Variants in ME1 observed in about 807,000 individuals in gnomAD.
The protein encoded by ME1 is NADP-dependent malic enzyme.
A neutral mutation model predicts 66.4 loss-of-function variants in ME1; 74 were observed. The ratio of observed to expected loss-of-function variants is 1.11; its 90% CI spans 0.92 to 1.35. The LOEUF is 1.35. ME1 is among the 40% of genes most tolerant of loss of function. The pLI is 0.00. For synonymous variants in ME1, 251 were observed against 235.6 expected (o/e 1.07, Z -0.60); for missense variants, 750 against 694.1 (o/e 1.08, Z -0.90).
At chr6:83,233,173 C>T (rs1281744343) in intron 9 of ME1, among the ~76,000 whole-genome samples, 1 of 152,136 alleles carries the variant, frequency 6.6e-6, no homozygotes, top group Non-Finnish European at 1.5e-5. Context: ...AATGCAAATA[C>T]TAGGCAACAT....
At chr6:83,322,106 A>C (rs1768189382) in intron 5 of ME1, among the ~76,000 whole-genome samples, 1 of 152,218 alleles carries the variant, frequency 6.6e-6, no homozygotes, top group African/African-American at 2.4e-5. Flanking sequence ...GAAGAGCATG[A>C]ACATCAACAA....
At chr6:83,321,668 A>G (rs976485903) in intron 5 of ME1, among the ~76,000 whole-genome samples, 5 of 152,158 alleles carry the variant, frequency 3.3e-5, no homozygotes, top group African/African-American at 1.2e-4. Context: ...CTTATAGATA[A>G]AACTCCTATC....
intron 12 of ME1, among the ~76,000 whole-genome samples, chr6:83,221,906 C>T (rs1042777918): frequency 2.0e-5 from 3 of 151,904 alleles, no homozygotes; most frequent in Non-Finnish European, 4.4e-5. Context: ...AAGAGAAAAC[C>T]AGTAGAAAGG....
chr6:83,386,427 C>T (rs1769503428), intron 3 of ME1, among the ~76,000 whole-genome samples: 1 of 151,874 alleles, frequency 6.6e-6, no homozygotes, highest in South Asian at 2.1e-4. Context: ...AAAGGCAAAT[C>T]CAATTAAAAA....
In ME1 at chr6:83,257,445, A is replaced by G. The variant is rs557895417; in HGVS notation, c.705-3707T>C. On this transcript the variant is annotated intron_variant, in intron 6 of 13. Coordinates refer to ENST00000369705, the MANE Select transcript of ME1 (RefSeq NM_002395.6). ...GAAGAAGGTGGCAAATTCATTCCCT[A>G]AACAGCAACGATATTGCAAGACAAA... Among the ~76,000 whole-genome samples, 766 of 152,268 alleles carry G rather than the reference A, an allele frequency of 5.0e-3. 6 individuals are homozygous for G. Among genetic ancestry groups the G allele is most frequent in the African/African-American group, 0.017 (721 of 41,574 alleles).
At chr6:83,369,386 A>G (rs1186251919) in intron 3 of ME1, among the ~76,000 whole-genome samples, 1 of 152,170 alleles carries the variant, frequency 6.6e-6, no homozygotes, top group Non-Finnish European at 1.5e-5. Flanking sequence ...AACAGATTAA[A>G]GTAACTCTCT....
At chr6:83,311,063 T>C (rs1208713067) in intron 6 of ME1, among the ~76,000 whole-genome samples, 2 of 152,132 alleles carry the variant, frequency 1.3e-5, no homozygotes, top group South Asian at 2.1e-4. Flanking sequence ...CCCTTCTTTC[T>C]TGGGATGATA....
intron 6 of ME1, among the ~76,000 whole-genome samples, chr6:83,290,652 A>T (rs1248742122): frequency 6.6e-6 from 1 of 152,222 alleles, no homozygotes; most frequent in Non-Finnish European, 1.5e-5. Context: ...CACTTGGTCC[A>T]GAGCTGAGTT....
intron 12 of ME1, among the ~76,000 whole-genome samples, chr6:83,217,589 C>T (rs977315094): frequency 5.3e-5 from 8 of 152,086 alleles, no homozygotes; most frequent in African/African-American, 1.2e-4. Context: ...AAAGAGAAGA[C>T]GGCTTAGGCT....
At chr6:83,322,203 A>T (rs1583379908) in intron 5 of ME1, among the ~76,000 whole-genome samples, 1 of 152,356 alleles carries the variant, frequency 6.6e-6, no homozygotes, top group South Asian at 2.1e-4. Context: ...AGCAAAAACC[A>T]GCACAAAAAG....
At chr6:83,406,496 A>C (rs748834367) in intron 2 of ME1, among the ~76,000 whole-genome samples, 4 of 152,048 alleles carry the variant, frequency 2.6e-5, no homozygotes, top group Non-Finnish European at 5.9e-5. Context: ...TCTTCTTTTT[A>C]GAGTACTAAT....
intron 6 of ME1, among the ~76,000 whole-genome samples, chr6:83,308,291 T>C (rs1037887765): frequency 2.7e-5 from 4 of 150,730 alleles, no homozygotes; most frequent in African/African-American, 1.0e-4. Context: ...ATATAGTCTT[T>C]GTTGAATATT....
intron 3 of ME1, among the ~76,000 whole-genome samples, chr6:83,381,243 G>A (rs866515315): frequency 2.0e-5 from 3 of 152,118 alleles, no homozygotes; most frequent in African/African-American, 7.2e-5. Context: ...ATACTTACTG[G>A]CTTCATAGAA....
chr6:83,228,379 C>T (rs965236359), intron 10 of ME1, among the ~76,000 whole-genome samples: 1 of 152,156 alleles, frequency 6.6e-6, no homozygotes, highest in African/African-American at 2.4e-5. Flanking sequence ...CTGTCCAGTG[C>T]ACTACAGGAT....
intron 3 of ME1, among the ~76,000 whole-genome samples, chr6:83,368,366 A>G (rs1769138155): frequency 1.4e-5 from 2 of 141,874 alleles, no homozygotes; most frequent in African/African-American, 2.5e-5. Context: ...CAAACCTTCA[A>G]TTTATAAAAA....
At chr6:83,381,525 T>C (rs1344677131) in intron 3 of ME1, among the ~76,000 whole-genome samples, 2 of 152,010 alleles carry the variant, frequency 1.3e-5, no homozygotes, top group Non-Finnish European at 2.9e-5. Context: ...CCAGCTGATG[T>C]ATTTAGAGTC....
At chr6:83,426,297 A>T (rs1379274092) in intron 1 of ME1, among the ~76,000 whole-genome samples, 2 of 152,192 alleles carry the variant, frequency 1.3e-5, no homozygotes, top group Non-Finnish European at 2.9e-5. Flanking sequence ...TTTATACTCC[A>T]TATCACCTGT....
chr6:83,349,459 T>C (rs1232016113), intron 4 of ME1, among the ~76,000 whole-genome samples: 1 of 152,182 alleles, frequency 6.6e-6, no homozygotes, highest in East Asian at 1.9e-4. Flanking sequence ...AAAAATTAAA[T>C]CTTCACCCCA....
At chr6:83,248,540 C>G (rs547499014) in intron 7 of ME1, among the ~76,000 whole-genome samples, 2 of 152,130 alleles carry the variant, frequency 1.3e-5, no homozygotes, top group African/African-American at 4.8e-5. Flanking sequence ...GTTGTAATCT[C>G]CACATGTTGA....
Sources: allele counts gnomAD v4.1 joint callset (sites outside exome capture counted in the v4.1 genomes callset), GRCh38; gene constraint gnomAD v4.1.1; transcripts MANE v1.5; gene names NCBI Gene and HGNC (gene_info 2026-07-23, HGNC 2026-07-21).